Variants in LRRK1 observed in about 807,000 individuals in gnomAD.
The protein encoded by LRRK1 is leucine-rich repeat serine/threonine-protein kinase 1.
A neutral mutation model predicts 209.1 loss-of-function variants in LRRK1; 113 were observed. The observed-to-expected ratio is 0.54, with a 90% CI of 0.46 to 0.63. The LOEUF is 0.63. Among genes scored for constraint, LRRK1 ranks in the 30% least tolerant of loss-of-function variants. The pLI is 0.00. For missense variants in LRRK1, 2,284 were observed against 2,632.2 expected (o/e 0.87, Z 2.89); for synonymous variants, 1,144 against 1,099.7 (o/e 1.04, Z -0.80).
chr15:101,050,041 C>T (rs533593060), intron 23 of LRRK1, among the ~76,000 whole-genome samples: 4 of 152,258 alleles, frequency 2.6e-5, no homozygotes, highest in East Asian at 1.9e-4. Context: ...TGCCCACAGG[C>T]GTGGCAAGAA....
chr15:101,058,617 C>CGGGGAGGG (rs10668251), intron 29 of LRRK1, among the ~76,000 whole-genome samples: 5 of 75,356 alleles, frequency 6.6e-5, no homozygotes, highest in Non-Finnish European at 6.6e-5. Flanking sequence ...GAAGGGGCAA[C>CGGGGAGGG]GGGGGGGGGC....
chr15:101,054,826 G>GA (rs1047623056), intron 26 of LRRK1, 120 bp from the exon 27 acceptor site: 23 of 949,476 alleles, frequency 2.4e-5, no homozygotes, highest in Admixed American at 5.6e-5. Flanking sequence ...AAAGAAAAAA[G>GA]AAAAAAAATC....
intron 12 of LRRK1, among the ~76,000 whole-genome samples, chr15:101,020,613 A>AT (rs1324912847): frequency 6.6e-6 from 1 of 152,006 alleles, no homozygotes; most frequent in East Asian, 1.9e-4. Flanking sequence ...TGACCTTGTG[A>AT]TCCCCCTACC....
At chr15:100,994,327 C>G (rs1031916398) in intron 6 of LRRK1, among the ~76,000 whole-genome samples, 3 of 152,184 alleles carry the variant, frequency 2.0e-5, no homozygotes, top group African/African-American at 7.2e-5. Flanking sequence ...TCCCTGGGAA[C>G]TTTTTAAAAT....
chr15:101,011,905 G>A (rs2033268224), intron 9 of LRRK1, 103 bp from the exon 10 acceptor site: 3 of 816,104 alleles, frequency 3.7e-6, no homozygotes, highest in Non-Finnish European at 2.0e-6. Flanking sequence ...GGACATTATT[G>A]TAATGGTCCA....
At chr15:100,962,282 C>T (rs1354052914) in intron 2 of LRRK1, among the ~76,000 whole-genome samples, 1 of 152,020 alleles carries the variant, frequency 6.6e-6, no homozygotes, top group Non-Finnish European at 1.5e-5. Context: ...GTAATCCCAG[C>T]ACTTTGGGAG....
rs1426972802 is a variant in LRRK1, at chr15:100,978,707, T to C, written c.261+4740T>C. ...GAAATTACCTCAACTTAATAGGAAA[T>C]GCATAATTTGAATAGCCTTTTAACT... On this transcript the variant is annotated intron_variant, in intron 3 of 33. Transcript: ENST00000388948. Among the ~76,000 whole-genome samples the C allele has an allele frequency of 2.0e-5, 3 of 152,300 alleles. No individual in the cohort carries two copies. In the East Asian group the frequency reaches 5.8e-4, roughly 29 times the overall value.
chr15:101,054,454 G>A (rs1463538785), intron 26 of LRRK1, among the ~76,000 whole-genome samples: 1 of 152,198 alleles, frequency 6.6e-6, no homozygotes, highest in East Asian at 1.9e-4. Flanking sequence ...CACTTAACCA[G>A]GCCATTCTCT....
chr15:100,946,295 G>C (rs2042538046), intron 2 of LRRK1, among the ~76,000 whole-genome samples: 1 of 152,194 alleles, frequency 6.6e-6, no homozygotes, highest in Non-Finnish European at 1.5e-5. Flanking sequence ...GGAAAGTTCA[G>C]GTGGGGAGGG....
chr15:100,981,544 G>A (rs1007324564), intron 3 of LRRK1, among the ~76,000 whole-genome samples: 1 of 152,166 alleles, frequency 6.6e-6, no homozygotes, highest in Non-Finnish European at 1.5e-5. Flanking sequence ...TCCACTAACA[G>A]AACCTGAGCC....
chr15:100,998,524 A>G (rs1404768458), intron 6 of LRRK1, among the ~76,000 whole-genome samples: 1 of 152,006 alleles, frequency 6.6e-6, no homozygotes, highest in African/African-American at 2.4e-5. Flanking sequence ...CCACATGACT[A>G]GAAGCTTCCT....
chr15:100,949,314 A>G (rs764589096), intron 2 of LRRK1, among the ~76,000 whole-genome samples: 4 of 152,212 alleles, frequency 2.6e-5, no homozygotes, highest in Non-Finnish European at 4.4e-5. Flanking sequence ...AACTATCCAA[A>G]CTGACTCAAG....
chr15:101,053,748 C>T (rs2035623383), intron 26 of LRRK1, among the ~76,000 whole-genome samples: 1 of 152,142 alleles, frequency 6.6e-6, no homozygotes, highest in Admixed American at 6.5e-5. Flanking sequence ...ACGGGAGCTG[C>T]ATTGAATCAC....
intron 2 of LRRK1, among the ~76,000 whole-genome samples, chr15:100,950,308 C>CA (rs1270534195): frequency 6.6e-6 from 1 of 151,946 alleles, no homozygotes; most frequent in African/African-American, 2.4e-5. Context: ...ATTTATACAC[C>CA]AAAAACTGCA....
chr15:100,972,341 A>AT (rs1307398100), intron 2 of LRRK1, among the ~76,000 whole-genome samples: 105 of 96,532 alleles, frequency 1.1e-3, no homozygotes, highest in African/African-American at 1.6e-3. Flanking sequence ...TATATGAGAG[A>AT]GAGAGAGAGA....
At chr15:100,938,345 T>C (rs987624913) in intron 2 of LRRK1, among the ~76,000 whole-genome samples, 1 of 152,198 alleles carries the variant, frequency 6.6e-6, no homozygotes, top group African/African-American at 2.4e-5. Context: ...TACAGAGTGA[T>C]ACTTGGATAC....
chr15:101,038,618 C>A (rs2034597919), intron 20 of LRRK1, among the ~76,000 whole-genome samples: 1 of 152,212 alleles, frequency 6.6e-6, no homozygotes, highest in South Asian at 2.1e-4. Flanking sequence ...CAGCTCTCAG[C>A]CTAGCAGGCT....
chr15:101,056,247 C>A (rs556729076), intron 27 of LRRK1, among the ~76,000 whole-genome samples: 12 of 152,180 alleles, frequency 7.9e-5, no homozygotes, highest in African/African-American at 2.9e-4. Context: ...ATCCAGGAGA[C>A]GCTCCTTTTT....
rs2035562719 is a variant in LRRK1 at position 101,053,040 on chromosome 15, A to G, written c.3808A>G (p.Lys1270Glu). The change falls in exon 25 of 34, where the codon AAG becomes GAG. Residue 1270 changes from lysine to glutamate, a missense_variant. By Grantham distance (56) the Lys-to-Glu change is moderately conservative (BLOSUM62 1). Around this residue, in one of 6 missense-constraint regions of LRRK1, gnomAD observed 780 missense variants for 985.2 expected, o/e 0.79. Coordinates refer to ENST00000388948, the MANE Select transcript of LRRK1 (RefSeq NM_024652.6). Reference protein sequence around the residue: ...ARYQGQPVAVKRFHIKKFKNF... With the variant: ...ARYQGQPVAVERFHIKKFKNF... The stretch of plus-strand genomic sequence containing the variant: ...GTACCAGGGCCAGCCTGTGGCCGTC[A>G]AGCGCTTCCACATCAAAAAATTCAA... The G allele has an allele frequency of 6.2e-7, 1 of 1,612,594 alleles. No individual in the cohort carries two copies. The highest frequency in any genetic ancestry group is 1.3e-5 in the African/African-American group (1 of 74,936).
Sources: gnomAD v4.1 joint callset for allele counts (sites outside exome capture counted in the v4.1 genomes callset) on GRCh38, gnomAD v4.1.1 for gene constraint, gnomAD v4.1.1 regional missense constraint, MANE v1.5 for transcripts, NCBI Gene and HGNC (gene_info 2026-07-23, HGNC 2026-07-21) for gene names.